Variants in KIAA1549L observed in about 807,000 individuals in gnomAD.
KIAA1549L encodes the protein UPF0606 protein KIAA1549L.
In KIAA1549L, 88 loss-of-function variants were observed where a neutral mutation model predicts 160.7. That is an observed-to-expected ratio of 0.55 (90% CI 0.46 to 0.65). The LOEUF is 0.65. Among genes scored for constraint, KIAA1549L ranks in the 30% least tolerant of loss-of-function variants. The probability of loss-of-function intolerance (pLI) is 0.00; values close to 1 mark genes in which losing one functional copy is unlikely to be tolerated. For missense variants in KIAA1549L, 2,258 were observed against 2,437.5 expected (o/e 0.93, Z 1.55); for synonymous variants, 950 against 976.7 (o/e 0.97, Z 0.51).
At chr11:33,455,852 A>G (rs1291869271) in intron 1 of KIAA1549L, among the ~76,000 whole-genome samples, 1 of 152,202 alleles carries the variant, frequency 6.6e-6, no homozygotes, top group Non-Finnish European at 1.5e-5. Context: ...TAGGCAAAAA[A>G]TTTCAACCAG....
chr11:33,380,209 A>G (rs1850046735), intron 1 of KIAA1549L, among the ~76,000 whole-genome samples: 1 of 152,150 alleles, frequency 6.6e-6, no homozygotes, highest in Non-Finnish European at 1.5e-5. Context: ...TTCTCCCTCC[A>G]ACTTATTAGT....
intron 10 of KIAA1549L, among the ~76,000 whole-genome samples, chr11:33,581,363 A>ATTT (rs1425857453): frequency 6.6e-6 from 1 of 151,738 alleles, no homozygotes; most frequent in East Asian, 1.9e-4. Context: ...GTATTAGATT[A>ATTT]TTTGGACTGT....
chr11:33,526,175 G>A (rs1853607385), intron 1 of KIAA1549L, among the ~76,000 whole-genome samples: 1 of 152,122 alleles, frequency 6.6e-6, no homozygotes, highest in East Asian at 1.9e-4. Flanking sequence ...TGCAGCTTAT[G>A]CTCTCTTGAA....
At chr11:33,622,978 T>C in intron 16 of KIAA1549L, among the ~76,000 whole-genome samples, 1 of 152,224 alleles carries the variant, frequency 6.6e-6, no homozygotes, top group Non-Finnish European at 1.5e-5. Context: ...ATGAAGGAAT[T>C]GAAACGGTTG....
intron 1 of KIAA1549L, among the ~76,000 whole-genome samples, chr11:33,536,874 C>T (rs1009018822): frequency 6.6e-6 from 1 of 152,192 alleles, no homozygotes; most frequent in Admixed American, 6.5e-5. Context: ...ACTCTGCCAT[C>T]AGCCATTGTC....
intron 1 of KIAA1549L, among the ~76,000 whole-genome samples, chr11:33,512,842 C>G (rs900291331): frequency 5.8e-4 from 89 of 152,248 alleles, no homozygotes; most frequent in African/African-American, 2.0e-3. Context: ...GCAATTTGCC[C>G]AAGGTTACAC....
chr11:33,616,851 C>T (rs909900840), intron 15 of KIAA1549L, among the ~76,000 whole-genome samples: 7 of 152,030 alleles, frequency 4.6e-5, no homozygotes, highest in South Asian at 2.1e-4. Flanking sequence ...ACTACATAGG[C>T]GGTGTTGGCG....
chr11:33,604,390 T>C (rs1176591887), intron 13 of KIAA1549L, among the ~76,000 whole-genome samples: 1 of 152,146 alleles, frequency 6.6e-6, no homozygotes, highest in Non-Finnish European at 1.5e-5. Context: ...TGCAAAACAG[T>C]ACAGAGATTC....
At chr11:33,478,426 G>A (rs972948282) in intron 1 of KIAA1549L, among the ~76,000 whole-genome samples, 2 of 152,262 alleles carry the variant, frequency 1.3e-5, no homozygotes, top group Non-Finnish European at 2.9e-5. Context: ...GGAACAGAGC[G>A]AAAGAGGTTT....
At chr11:33,477,335 C>T (rs531022940) in intron 1 of KIAA1549L, among the ~76,000 whole-genome samples, 4 of 152,194 alleles carry the variant, frequency 2.6e-5, no homozygotes, top group African/African-American at 7.2e-5. Context: ...AAAAAGTGAA[C>T]GCTTAACAAG....
chr11:33,420,920 G>A (rs891407954), intron 1 of KIAA1549L, among the ~76,000 whole-genome samples: 1 of 152,086 alleles, frequency 6.6e-6, no homozygotes, highest in East Asian at 1.9e-4. Context: ...GACTATTCTC[G>A]ATGGATGGAA....
intron 1 of KIAA1549L, among the ~76,000 whole-genome samples, chr11:33,471,168 T>C: frequency 6.6e-6 from 1 of 151,980 alleles, no homozygotes; most frequent in African/African-American, 2.4e-5. Context: ...CTACCATTAC[T>C]GCCCCTCAAC....
chr11:33,655,811 C>T (rs1275967935), intron 17 of KIAA1549L, among the ~76,000 whole-genome samples: 1 of 152,142 alleles, frequency 6.6e-6, no homozygotes, highest in Non-Finnish European at 1.5e-5. Flanking sequence ...CCTGTAAGTA[C>T]AGTGGCCCCA....
At chr11:33,589,055 C>T (rs962312219) in intron 11 of KIAA1549L, among the ~76,000 whole-genome samples, 10 of 152,198 alleles carry the variant, frequency 6.6e-5, no homozygotes, top group African/African-American at 2.4e-4. Context: ...AAATTAGCTG[C>T]TGAAATTTAC....
chr11:33,591,151 C>CT, intron 11 of KIAA1549L, 86 bp from the exon 12 acceptor site: 1 of 947,722 alleles, frequency 1.1e-6, no homozygotes, highest in East Asian at 2.6e-5. Flanking sequence ...TTGGTCCCAT[C>CT]TTTTTGCTGC....
intron 11 of KIAA1549L, among the ~76,000 whole-genome samples, chr11:33,590,451 G>A (rs754948811): frequency 1.6e-4 from 25 of 152,166 alleles, no homozygotes; most frequent in East Asian, 3.8e-4. Context: ...TTAAATATGC[G>A]TCTTGGTTTT....
In KIAA1549L at chr11:33,544,768, G is replaced by T. The variant is rs770364632; in HGVS notation, c.2775G>T (p.Ala925=). The change falls in exon 3 of 21, where the codon GCG becomes GCT. Residue 925 remains alanine, a splice_region_variant and synonymous_variant. Coordinates refer to ENST00000658780, the MANE Select transcript of KIAA1549L (RefSeq NM_012194.3). ...ACTTTGTTTTTTCTCTCTTTACAGC[G>T]GACACAGTATCATCTAAGGTACAGC... The part of the protein sequence containing the change: ...RASQHPKKWT[A]DTVSSKVQPT... The T allele has an allele frequency of 1.3e-6, 2 of 1,587,164 alleles. No homozygotes were observed. Among genetic ancestry groups the T allele is most frequent in the Admixed American group, 3.5e-5 (2 of 57,272 alleles).
rs1442085534 is a variant in KIAA1549L, at chr11:33,671,070, A to ATCCTC, written c.*2916_*2917insTCCTC. On this transcript the variant is annotated 3_prime_UTR_variant, in exon 21 of 21. Transcript: ENST00000658780. ...GATGATTGAGTATATAACGAACTTCAGATACAGTGTATAGAGGATGATGCA... is the reference window on the plus strand; with the variant it reads ...GATGATTGAGTATATAACGAACTTCATCCTCGATACAGTGTATAGAGGATGATGCA... 2 of 152,258 alleles carry ATCCTC rather than the reference A, an allele frequency of 1.3e-5. No homozygotes were observed. Among genetic ancestry groups the ATCCTC allele is most frequent in the Non-Finnish European group, 2.9e-5 (2 of 68,048 alleles). The allele number at this position is 152,258 out of a possible 1,614,324, so 9.4% of individuals were successfully genotyped here. A position where few individuals can be genotyped will look rare whatever the true frequency, so the allele number is the denominator to read the frequency against.
intron 1 of KIAA1549L, among the ~76,000 whole-genome samples, chr11:33,490,927 T>C (rs1852643343): frequency 6.6e-6 from 1 of 152,238 alleles, no homozygotes; most frequent in Non-Finnish European, 1.5e-5. Flanking sequence ...AGCCACACTT[T>C]GCACAGCAAG....
Sources: allele counts gnomAD v4.1 joint callset (sites outside exome capture counted in the v4.1 genomes callset), GRCh38; gene constraint gnomAD v4.1.1; transcripts MANE v1.5; gene names NCBI Gene and HGNC (gene_info 2026-07-23, HGNC 2026-07-21).